The following WDR33 variants were observed in gnomAD, a reference collection of about 807,000 sequenced individuals.
The protein encoded by WDR33 is WD repeat domain 33.
In WDR33, 47 loss-of-function variants were observed where a neutral mutation model predicts 164.9. The ratio of observed to expected loss-of-function variants is 0.29; its 90% CI spans 0.23 to 0.36. The LOEUF is 0.36. Among genes scored for constraint, WDR33 ranks in the 10% least tolerant of loss-of-function variants. WDR33 has a pLI of 1.00. For missense variants in WDR33, 1,137 were observed against 1,754.1 expected (o/e 0.65, Z 6.28); for synonymous variants, 505 against 589.0 (o/e 0.86, Z 2.06).
chr2:127,770,921 C>A lies in WDR33; in HGVS notation c.61G>T (p.Ala21Ser), dbSNP rs1457194055. The A allele has an allele frequency of 6.2e-7, 1 of 1,613,996 alleles. No individual in the cohort carries two copies. The highest frequency in any genetic ancestry group is 1.7e-5 in the Admixed American group (1 of 59,998). Reference sequence around the variant, plus strand: ...CGCTTATAAAACAGCTGTCGAGGTGCCTGGTGCTGGAACCTTGGCATATGG... The same window carrying A: ...CGCTTATAAAACAGCTGTCGAGGTGACTGGTGCTGGAACCTTGGCATATGG... ...FFHMPRFQHQAPRQLFYKRPD... is the reference protein window; with the variant it reads ...FFHMPRFQHQSPRQLFYKRPD... The change falls in exon 2 of 22, where the codon GCA becomes TCA. Residue 21 changes from alanine to serine, a missense_variant. Physicochemically the swap from Ala to Ser is moderately conservative, Grantham distance 99 (BLOSUM62 1). Coordinates refer to ENST00000322313, the MANE Select transcript of WDR33 (RefSeq NM_018383.5). This position sits in a 1 kb window ranked among gnomAD's most constrained non-coding sequence, Gnocchi z 4.9.
chr2:127,711,764 A>ATTT lies in WDR33; in HGVS notation c.3308+1818_3308+1819insAAA, dbSNP rs1206674701. Among the ~76,000 whole-genome samples the ATTT allele has an allele frequency of 8.0e-5, 6 of 74,620 alleles. 1 individual carries two copies. The highest frequency in any genetic ancestry group is 7.5e-4 in the African/African-American group (6 of 8,050). 49.0% of individuals were successfully genotyped at this position (74,620 alleles called of 152,430 possible). ...ACCACATATACAGATATATATATATATATATATATATATATATTTTTTTTT... is the reference window on the plus strand; with the variant it reads ...ACCACATATACAGATATATATATATATTTTATATATATATATATATTTTTTTTT... On this transcript the variant is annotated intron_variant, in intron 18 of 21. Transcript: ENST00000322313.
At position 127,701,630 on chromosome 2, in the gene WDR33, G is replaced by A. The variant is rs897387205; in HGVS notation, c.*4693C>T. The A allele has an allele frequency of 3.8e-6, 5 of 1,323,152 alleles. No homozygotes were observed. Among genetic ancestry groups the A allele is most frequent in the African/African-American group, 1.5e-5 (1 of 64,930 alleles). The allele number at this position is 1,323,152 out of a possible 1,614,324, so 82.0% of individuals were successfully genotyped here. The stretch of plus-strand genomic sequence containing the variant: ...TGCTCGCCGCGGAGAAGGCGGAGGA[G>A]CCCGGGGACCGGCCGGCGGAGGAGT... On this transcript the variant is annotated 3_prime_UTR_variant, in exon 22 of 22. Transcript: ENST00000322313.
chr2:127,737,250 C>T, intron 7 of WDR33: 1 of 985,374 alleles, frequency 1.0e-6, no homozygotes. Context: ...ACACCAATAT[C>T]ATAGAGAACA....
rs772116624 is a variant in WDR33 at position 127,722,572 on chromosome 2, T to G, written c.1518+19A>C. 6.8e-6 allele frequency: 11 copies of G among 1,609,860 alleles called. No homozygotes were observed. Among genetic ancestry groups the G allele is most frequent in the Non-Finnish European group, 9.3e-6 (11 of 1,178,552 alleles). ...CCAAAACCTCTCTGCGTGGATGAGG[T>G]GGAGTCACTTTTACTTACCTGCTGG... On this transcript the variant is annotated intron_variant, in intron 14 of 21. Coordinates refer to ENST00000322313, the MANE Select transcript of WDR33 (RefSeq NM_018383.5). The surrounding 1 kb of genome is among the most constrained non-coding windows in gnomAD (Gnocchi z 5.1).
chr2:127,706,922 G>A lies in WDR33; in HGVS notation c.3782-370C>T, dbSNP rs1326886521. On this transcript the variant is annotated intron_variant, in intron 21 of 21. Coordinates refer to ENST00000322313, the MANE Select transcript of WDR33 (RefSeq NM_018383.5). The surrounding 1 kb of genome is among the most constrained non-coding windows in gnomAD (Gnocchi z 5.1). ...AGCCACCAGGGTATATTGAGGGAAGGTTTGAATATACTGACTTAACTTTGG... is the reference window on the plus strand; with the variant it reads ...AGCCACCAGGGTATATTGAGGGAAGATTTGAATATACTGACTTAACTTTGG... Among the ~76,000 whole-genome samples, 2 of 152,266 alleles carry A rather than the reference G, an allele frequency of 1.3e-5. No individual in the cohort carries two copies. Among genetic ancestry groups the A allele is most frequent in the Non-Finnish European group, 2.9e-5 (2 of 68,050 alleles).
chr2:127,708,545 T>C lies in WDR33; in HGVS notation c.3781+132A>G, dbSNP rs969951543. ...GCAGTCCACCAGATGACAGCTCGTG[T>C]GGCACTGGCACCACATTTAGGAGCA... On this transcript the variant is annotated intron_variant, in intron 21 of 21. Coordinates refer to ENST00000322313, the MANE Select transcript of WDR33 (RefSeq NM_018383.5). The surrounding 1 kb of genome is among the most constrained non-coding windows in gnomAD (Gnocchi z 6.7). 6 of 991,306 alleles carry C rather than the reference T, an allele frequency of 6.1e-6. No homozygotes were observed. In the African/African-American group the frequency reaches 9.8e-5, roughly 16 times the overall value. The allele number at this position is 991,306 out of a possible 1,614,324, so 61.4% of individuals were successfully genotyped here. A position where few individuals can be genotyped will look rare whatever the true frequency, so the allele number is the denominator to read the frequency against.
chr2:127,712,400 G>GA lies in WDR33; in HGVS notation c.3308+1182dup, dbSNP rs202140924. Among the ~76,000 whole-genome samples, 1,188 of 104,878 alleles carry GA rather than the reference G, an allele frequency of 0.011. 8 individuals carry two copies. The highest frequency in any genetic ancestry group is 0.034 in the African/African-American group (981 of 28,830). The allele number at this position is 104,878 out of a possible 152,430, so 68.8% of individuals were successfully genotyped here. A position where few individuals can be genotyped will look rare whatever the true frequency, so the allele number is the denominator to read the frequency against. Reference sequence around the variant, plus strand: ...ACAGAGCAAGACTCCGTCTCAAGAAGAAAAAAAAAAAAAAAGAAATGGGAT... The same window carrying GA: ...ACAGAGCAAGACTCCGTCTCAAGAAGAAAAAAAAAAAAAAAAGAAATGGGAT... On this transcript the variant is annotated intron_variant, in intron 18 of 21. Transcript: ENST00000322313. This position sits in a 1 kb window ranked among gnomAD's most constrained non-coding sequence, Gnocchi z 4.0.
chr2:127,758,916 CGTT>C (rs67126121), intron 7 of WDR33, among the ~76,000 whole-genome samples: 2,157 of 152,216 alleles, frequency 0.014, 24 homozygotes, highest in Middle Eastern at 0.085. Context: ...ATAGGATACT[CGTT>C]GTTTATTAAA....
rs1238995250 is a variant in WDR33, at chr2:127,721,349, C to T, written c.1671+487G>A. Among the ~76,000 whole-genome samples the T allele has an allele frequency of 6.6e-6, 1 of 151,964 alleles. No homozygotes were observed. The highest frequency in any genetic ancestry group is 1.5e-5 in the Non-Finnish European group (1 of 67,986). ...TCTCAAACTCCTGATCTCAGGTGAT[C>T]TGTCTGCCTCGGCCTCCCAAAGTGC... On this transcript the variant is annotated intron_variant, in intron 15 of 21. Transcript: ENST00000322313. The surrounding 1 kb of genome is among the most constrained non-coding windows in gnomAD (Gnocchi z 4.9).
At chr2:127,711,340 G>A (rs948077634) in intron 18 of WDR33, among the ~76,000 whole-genome samples, 18 of 149,850 alleles carry the variant, frequency 1.2e-4, no homozygotes, top group African/African-American at 4.2e-4. Context: ...CACAAGAATC[G>A]CTTGAACCCA....
chr2:127,732,108 A>AACACACAC lies in WDR33; in HGVS notation c.725-5339_725-5332dup, dbSNP rs71394692. ...CAAAAATAAAACAAACAACATATACAACACACACACACACACACACACACA... is the reference window on the plus strand; with the variant it reads ...CAAAAATAAAACAAACAACATATACAACACACACACACACACACACACACACACACACA... On this transcript the variant is annotated intron_variant, in intron 7 of 21. Coordinates refer to ENST00000322313, the MANE Select transcript of WDR33 (RefSeq NM_018383.5). Among the ~76,000 whole-genome samples, 116 of 138,202 alleles carry AACACACAC rather than the reference A, an allele frequency of 8.4e-4. 1 individual carries two copies. Among genetic ancestry groups the AACACACAC allele is most frequent in the African/African-American group, 2.1e-3 (77 of 37,052 alleles). 90.7% of individuals were successfully genotyped at this position (138,202 alleles called of 152,430 possible).
At position 127,763,469 on chromosome 2, in the gene WDR33, C is replaced by T; in HGVS notation, c.627-310G>A. 2 of 1,098,686 alleles carry T rather than the reference C, an allele frequency of 1.8e-6. No homozygotes were observed. Among genetic ancestry groups the T allele is most frequent in the Non-Finnish European group, 2.2e-6 (2 of 900,006 alleles). The allele number at this position is 1,098,686 out of a possible 1,614,324, so 68.1% of individuals were successfully genotyped here. A position where few individuals can be genotyped will look rare whatever the true frequency, so the allele number is the denominator to read the frequency against. On this transcript the variant is annotated intron_variant, in intron 6 of 21. Transcript: ENST00000322313. This position sits in a 1 kb window ranked among gnomAD's most constrained non-coding sequence, Gnocchi z 4.5. ...GATACGAGGAAATCACATGAAGCTG[C>T]CTTAAGTGGTGAAAATAAATGGATT...
chr2:127,784,016 A>G (rs1401388935), intron 1 of WDR33, among the ~76,000 whole-genome samples: 1 of 152,134 alleles, frequency 6.6e-6, no homozygotes, highest in Non-Finnish European at 1.5e-5. Flanking sequence ...TAAAATATTA[A>G]TTCATTTTTA....
Position 127,768,935 on chromosome 2 carries a change from C to T in WDR33, c.271G>A (p.Asp91Asn). 6.3e-7 allele frequency: 1 copy of T among 1,594,758 alleles called. No individual in the cohort carries two copies. Among genetic ancestry groups the T allele is most frequent in the East Asian group, 2.3e-5 (1 of 43,316 alleles). The change falls in exon 3 of 22, where the codon GAT becomes AAT. Residue 91 changes from aspartate (D) to asparagine (N), a missense_variant and splice_region_variant. Around this residue, in one of 9 missense-constraint regions of WDR33, gnomAD observed 55 missense variants for 84.6 expected, o/e 0.65. Coordinates refer to ENST00000322313, the MANE Select transcript of WDR33 (RefSeq NM_018383.5). ...AIQPDAGYYNDLVPPIGMLNN... is the reference protein window; with the variant it reads ...AIQPDAGYYNNLVPPIGMLNN... ...AGTATGACACATCATGTACTTACAT[C>T]ATTGTAATAACCTGCATCAGGCTGA...
chr2:127,701,440 C>G lies in WDR33; in HGVS notation c.*4883G>C. 8.4e-7 allele frequency: 1 copy of G among 1,197,304 alleles called. No homozygotes were observed. The highest frequency in any genetic ancestry group is 1.0e-6 in the Non-Finnish European group (1 of 957,970). The allele number at this position is 1,197,304 out of a possible 1,614,324, so 74.2% of individuals were successfully genotyped here. ...CAGGCCCTGCCCCTTTCGCCGTCGC[C>G]GACCAATTGCCGCCCGAAGACCGAA... On this transcript the variant is annotated 3_prime_UTR_variant, in exon 22 of 22. Coordinates refer to ENST00000322313, the MANE Select transcript of WDR33 (RefSeq NM_018383.5).
chr2:127,709,011 G>A lies in WDR33; in HGVS notation c.3566-119C>T, dbSNP rs968446460. 2.1e-5 allele frequency: 24 copies of A among 1,119,694 alleles called. No homozygotes were observed. Among genetic ancestry groups the A allele is most frequent in the Admixed American group, 3.3e-5 (1 of 29,966 alleles). The allele number at this position is 1,119,694 out of a possible 1,614,324, so 69.4% of individuals were successfully genotyped here. ...CACCGTTCACTCATGCTGAATGCCC[G>A]CCAGAGGCCAAAGGGTAAGCCACCC... is the stretch of plus-strand genomic sequence containing the variant. On this transcript the variant is annotated intron_variant, in intron 20 of 21. Coordinates refer to ENST00000322313, the MANE Select transcript of WDR33 (RefSeq NM_018383.5). This position sits in a 1 kb window ranked among gnomAD's most constrained non-coding sequence, Gnocchi z 5.0.
Position 127,717,273 on chromosome 2 carries a change from T to G in WDR33, c.2761-10A>C. 1 of 1,561,334 alleles carries G rather than the reference T, an allele frequency of 6.4e-7. No individual in the cohort carries two copies. ...CTGTGCTCTGTCCTTCCTGAAAATA[T>G]GTTTTTAAAGTAAGGGTATGAAATC... On this transcript the variant is annotated splice_polypyrimidine_tract_variant and intron_variant, in intron 16 of 21. Coordinates refer to ENST00000322313, the MANE Select transcript of WDR33 (RefSeq NM_018383.5). This position sits in a 1 kb window ranked among gnomAD's most constrained non-coding sequence, Gnocchi z 5.6.
At chr2:127,744,450 T>C (rs914843874) in intron 7 of WDR33, among the ~76,000 whole-genome samples, 6 of 152,112 alleles carry the variant, frequency 3.9e-5, no homozygotes, top group Non-Finnish European at 7.4e-5. Context: ...ATATACAGTA[T>C]AGTGAGAAAA....
chr2:127,762,181 T>C (rs1341647633), intron 7 of WDR33, among the ~76,000 whole-genome samples: 1 of 152,184 alleles, frequency 6.6e-6, no homozygotes, highest in African/African-American at 2.4e-5. Context: ...AGAAAGATGG[T>C]ACTTTTGTGG....
Sources: gnomAD v4.1 joint callset for allele counts (sites outside exome capture counted in the v4.1 genomes callset) on GRCh38, gnomAD v4.1.1 for gene constraint, gnomAD v4.1.1 regional missense constraint, Gnocchi (gnomAD v3.1) non-coding constraint, MANE v1.5 for transcripts, NCBI Gene and HGNC (gene_info 2026-07-23, HGNC 2026-07-21) for gene names.